Variants in RANBP10 observed in about 807,000 individuals in gnomAD.
RANBP10 encodes ran-binding protein 10.
A neutral mutation model predicts 72.8 loss-of-function variants in RANBP10; 24 were observed. The observed-to-expected ratio is 0.33, with a 90% confidence interval of 0.24 to 0.46. The LOEUF (loss-of-function observed/expected upper bound fraction) is 0.46, where lower values mean the gene tolerates loss of function less well. Ranked by LOEUF, RANBP10 falls within the 20% of genes least tolerant of loss-of-function variation. The pLI is 1.00. For synonymous variants in RANBP10, 310 were observed against 322.3 expected (o/e 0.96, Z 0.41); for missense variants, 679 against 817.5 (o/e 0.83, Z 2.07).
At chr16:67,740,056 C>A (rs1284386100) in intron 4 of RANBP10, 1 of 149,208 alleles carries the variant, frequency 6.7e-6, no homozygotes, top group South Asian at 2.1e-4. Context: ...AGTGCAGTGG[C>A]GTGATCTCGG....
At chr16:67,799,266 T>A (rs2055189317) in intron 2 of RANBP10, among the ~76,000 whole-genome samples, 1 of 148,016 alleles carries the variant, frequency 6.8e-6, no homozygotes, top group Admixed American at 6.8e-5. Flanking sequence ...ACCGACCTCA[T>A]GTTCTGCGCT....
chr16:67,742,619 G>C (rs1010977864), intron 4 of RANBP10, among the ~76,000 whole-genome samples: 6 of 152,278 alleles, frequency 3.9e-5, no homozygotes, highest in Non-Finnish European at 8.8e-5. Flanking sequence ...ATGGCCCTTT[G>C]GTGGTCCCGG....
Position 67,726,404 on chromosome 16 carries a change from G to A in RANBP10, c.*24C>T. 1 of 1,610,946 alleles carries A rather than the reference G, an allele frequency of 6.2e-7. No individual in the cohort carries two copies. The highest frequency in any genetic ancestry group is 8.5e-7 in the Non-Finnish European group (1 of 1,178,972). ...CAGCCCTGGGGCCAGTGGAGGGCCAGCCAGAGCCAGCCAGCACAGTCAGCT... is the reference window on the plus strand; with the variant it reads ...CAGCCCTGGGGCCAGTGGAGGGCCAACCAGAGCCAGCCAGCACAGTCAGCT... On this transcript the variant is annotated 3_prime_UTR_variant, in exon 14 of 14. Transcript: ENST00000317506.
At position 67,772,087 on chromosome 16, in the gene RANBP10, C is replaced by T; in HGVS notation, c.348-1G>A. On this transcript the variant is annotated splice_acceptor_variant, in intron 2 of 13. Transcript: ENST00000317506. LOFTEE classifies it high-confidence loss of function. Reference sequence around the variant, plus strand: ...AGCCGAGAGTCCTATTCCCATGTAACTTCAAAAAAAAAAAAAAAAAAAACA... The same window carrying T: ...AGCCGAGAGTCCTATTCCCATGTAATTTCAAAAAAAAAAAAAAAAAAAACA... 1 of 1,249,434 alleles carries T rather than the reference C, an allele frequency of 8.0e-7. No homozygotes were observed. The highest frequency in any genetic ancestry group is 1.1e-6 in the Non-Finnish European group (1 of 901,088). The allele number at this position is 1,249,434 out of a possible 1,614,324, so 77.4% of individuals were successfully genotyped here. A position where few individuals can be genotyped will look rare whatever the true frequency, so the allele number is the denominator to read the frequency against.
At chr16:67,735,668 G>A (rs1388358271) in intron 5 of RANBP10, 1 of 152,230 alleles carries the variant, frequency 6.6e-6, no homozygotes, top group Non-Finnish European at 1.5e-5. Context: ...GGCTGAGGTG[G>A]GAAGATGGCT....
At chr16:67,759,087 C>A (rs750308595) in intron 3 of RANBP10, among the ~76,000 whole-genome samples, 19 of 152,244 alleles carry the variant, frequency 1.2e-4, no homozygotes, top group Non-Finnish European at 2.4e-4. Flanking sequence ...ACACCATTAG[C>A]CACCGCTTGA....
At chr16:67,798,443 G>T (rs1277807399) in intron 2 of RANBP10, among the ~76,000 whole-genome samples, 1 of 152,210 alleles carries the variant, frequency 6.6e-6, no homozygotes, top group Non-Finnish European at 1.5e-5. Context: ...AATGTGGCAG[G>T]TGAGATCTTA....
chr16:67,750,808 C>T (rs574360083), intron 3 of RANBP10, among the ~76,000 whole-genome samples: 23 of 147,478 alleles, frequency 1.6e-4, no homozygotes, highest in Non-Finnish European at 3.0e-4. Context: ...ACTCTGTTGC[C>T]CAGGCTGGAG....
chr16:67,769,682 C>G (rs1326655727), intron 3 of RANBP10, among the ~76,000 whole-genome samples: 1 of 127,274 alleles, frequency 7.9e-6, no homozygotes, highest in Non-Finnish European at 1.6e-5. Flanking sequence ...GGAGGCAGAG[C>G]TTGCAGTGAG....
chr16:67,777,545 C>T (rs1406325453), intron 2 of RANBP10, among the ~76,000 whole-genome samples: 2 of 149,600 alleles, frequency 1.3e-5, no homozygotes, highest in South Asian at 2.1e-4. Flanking sequence ...CAAAACAAAA[C>T]GAAAAAAAAA....
intron 2 of RANBP10, among the ~76,000 whole-genome samples, chr16:67,775,961 C>T (rs189100495): frequency 6.8e-4 from 102 of 150,894 alleles, no homozygotes; most frequent in African/African-American, 2.2e-3. Context: ...CTGGCCAACA[C>T]GGTGAAACCC....
intron 2 of RANBP10, among the ~76,000 whole-genome samples, chr16:67,796,421 T>G (rs537966585): frequency 1.3e-5 from 2 of 152,134 alleles, no homozygotes; most frequent in Non-Finnish European, 2.9e-5. Context: ...GACTCTCCTT[T>G]AGAAGAAATA....
intron 2 of RANBP10, among the ~76,000 whole-genome samples, chr16:67,786,299 A>G (rs1483754664): frequency 6.6e-6 from 1 of 152,192 alleles, no homozygotes; most frequent in African/African-American, 2.4e-5. Context: ...ACTGCACTCC[A>G]GCCTGTGCGA....
At chr16:67,785,502 C>T (rs985557907) in intron 2 of RANBP10, among the ~76,000 whole-genome samples, 3 of 151,628 alleles carry the variant, frequency 2.0e-5, no homozygotes, top group Admixed American at 6.6e-5. Context: ...CTGAGGCAGG[C>T]GGACCACTTG....
chr16:67,798,579 C>A (rs1451960407), intron 2 of RANBP10, among the ~76,000 whole-genome samples: 1 of 152,198 alleles, frequency 6.6e-6, no homozygotes, highest in African/African-American at 2.4e-5. Flanking sequence ...CAGATGGGAG[C>A]TGGCAAAACC....
Position 67,731,545 on chromosome 16 carries a change from G to A in RANBP10, c.816C>T (p.Ala272=), listed in dbSNP as rs1397600203. 6.2e-7 allele frequency: 1 copy of A among 1,614,184 alleles called. No homozygotes were observed. The highest frequency in any genetic ancestry group is 1.7e-5 in the Admixed American group (1 of 60,028). ...SSYLVHHGYC[A]TATAFARMTE... is the part of the protein sequence containing the mutation. ...TCATTCGAGCAAAAGCCGTGGCTGT[G>A]GCACAATACCCATGATGCACGAGGT... The change falls in exon 7 of 14, where the codon GCC becomes GCT. Residue 272 remains alanine (A), a synonymous_variant. Coordinates refer to ENST00000317506, the MANE Select transcript of RANBP10 (RefSeq NM_020850.3).
chr16:67,746,797 C>G (rs1244793685), intron 3 of RANBP10, among the ~76,000 whole-genome samples: 2 of 152,202 alleles, frequency 1.3e-5, no homozygotes, highest in African/African-American at 4.8e-5. Context: ...AGGTGTCTTG[C>G]CTGGCTTCTT....
At chr16:67,792,558 T>A (rs1048488453) in intron 2 of RANBP10, among the ~76,000 whole-genome samples, 2 of 134,410 alleles carry the variant, frequency 1.5e-5, no homozygotes, top group East Asian at 2.1e-4. Context: ...CGAGACTCCA[T>A]CTCAAAAAAA....
intron 3 of RANBP10, among the ~76,000 whole-genome samples, chr16:67,752,315 T>C (rs1436527315): frequency 6.6e-6 from 1 of 152,194 alleles, no homozygotes; most frequent in African/African-American, 2.4e-5. Context: ...GGAAGATGCC[T>C]CACTGCTGGC....
Sources: gnomAD v4.1 joint callset for allele counts (sites outside exome capture counted in the v4.1 genomes callset) on GRCh38, gnomAD v4.1.1 for gene constraint, MANE v1.5 for transcripts, NCBI Gene and HGNC (gene_info 2026-07-23, HGNC 2026-07-21) for gene names.